MAMDC2: variants seen among roughly 807,000 people sequenced by gnomAD.
The protein encoded by MAMDC2 is MAM domain-containing protein 2.
MAMDC2 carries 57 observed loss-of-function variants against 89.8 expected under a neutral mutation model. That is an observed-to-expected ratio of 0.63 (90% CI 0.51 to 0.79). The LOEUF is 0.79. Among genes scored for constraint, MAMDC2 ranks in the 30% least tolerant of loss-of-function variants. MAMDC2 has a pLI of 0.00. For missense variants in MAMDC2, 800 were observed against 820.6 expected (o/e 0.97, Z 0.31); for synonymous variants, 313 against 293.4 (o/e 1.07, Z -0.68).
rs368218721 is a variant in MAMDC2 at position 70,096,286 on chromosome 9, G to A, written c.149-11925G>A. Among the ~76,000 whole-genome samples the A allele has an allele frequency of 4.3e-4, 65 of 152,180 alleles. No individual in the cohort carries two copies. In the South Asian group the frequency reaches 9.4e-3, roughly 22 times the overall value. ...TCCCACCTCAGCCTCCCAAAGTGCT[G>A]GGATTACAGCTGTGAGCCACTGCAC... On this transcript the variant is annotated intron_variant, in intron 2 of 13. Coordinates refer to ENST00000377182, the MANE Select transcript of MAMDC2 (RefSeq NM_153267.5).
intron 9 of MAMDC2, among the ~76,000 whole-genome samples, chr9:70,150,052 G>A (rs2031535320): frequency 6.6e-6 from 1 of 152,120 alleles, no homozygotes; most frequent in Non-Finnish European, 1.5e-5. Flanking sequence ...TTTTCATTGT[G>A]AGTGACTCAG....
At chr9:70,168,672 A>C in intron 9 of MAMDC2, 30 bp from the exon 10 acceptor site, 1 of 1,585,254 alleles carries the variant, frequency 6.3e-7, no homozygotes, top group African/African-American at 1.3e-5. Context: ...CAGTTAACAG[A>C]ATTCATAGCT....
At position 70,103,365 on chromosome 9, in the gene MAMDC2, C is replaced by G. The variant is rs528803071; in HGVS notation, c.149-4846C>G. 2.6e-5 allele frequency among the ~76,000 whole-genome samples: 4 copies of G among 151,588 alleles called. No individual in the cohort carries two copies. The South Asian group carries it at 8.3e-4, about 32-fold the overall frequency. On this transcript the variant is annotated intron_variant, in intron 2 of 13. Transcript: ENST00000377182. ...TACTACACAGCTACAGTAAGGAGGA[C>G]TCTGTGGTACTGGCATAAGAATAAA...
At chr9:70,105,914 A>G (rs2975880) in intron 2 of MAMDC2, 27,643 of 152,062 alleles carry the variant, frequency 0.18, 3,492 homozygotes, top group African/African-American at 0.36. Flanking sequence ...ACCGTTGCCT[A>G]CCTCCTTTAC....
intron 5 of MAMDC2, chr9:70,113,935 CATAG>C (rs1563960392): frequency 6.6e-6 from 1 of 152,156 alleles, no homozygotes; most frequent in Non-Finnish European, 1.5e-5. Context: ...ATCCTTTACG[CATAG>C]ATATTGAGGT....
intron 2 of MAMDC2, among the ~76,000 whole-genome samples, chr9:70,052,419 G>C (rs1423836956): frequency 6.6e-6 from 1 of 152,110 alleles, no homozygotes; most frequent in Non-Finnish European, 1.5e-5. Context: ...GTATAATGCT[G>C]CTTTTCTATT....
chr9:70,184,003 T>A (rs2118583243), intron 11 of MAMDC2, among the ~76,000 whole-genome samples: 1 of 152,330 alleles, frequency 6.6e-6, no homozygotes, highest in African/African-American at 2.4e-5. Context: ...TGGTACGTAT[T>A]TGCAGTAGCT....
rs566595092 is a variant in MAMDC2 at position 70,070,170 on chromosome 9, A to C, written c.148+25473A>C. On this transcript the variant is annotated intron_variant, in intron 2 of 13. Coordinates refer to ENST00000377182, the MANE Select transcript of MAMDC2 (RefSeq NM_153267.5). ...CTTCCTAAGAAATATCCAGGCACAAAATGGGCATGGGCCTGACTGCTCCTT... is the reference window on the plus strand; with the variant it reads ...CTTCCTAAGAAATATCCAGGCACAACATGGGCATGGGCCTGACTGCTCCTT... Among the ~76,000 whole-genome samples, 185 of 152,320 alleles carry C rather than the reference A, an allele frequency of 1.2e-3. 1 individual carries two copies. The highest frequency in any genetic ancestry group is 4.3e-3 in the African/African-American group (177 of 41,576).
chr9:70,101,504 C>T (rs1045188421), intron 2 of MAMDC2, among the ~76,000 whole-genome samples: 1 of 152,160 alleles, frequency 6.6e-6, no homozygotes, highest in Non-Finnish European at 1.5e-5. Flanking sequence ...GTGCCCTATA[C>T]AGATGTACTA....
chr9:70,162,127 A>C (rs2031994675), intron 9 of MAMDC2, among the ~76,000 whole-genome samples: 1 of 152,190 alleles, frequency 6.6e-6, no homozygotes, highest in Non-Finnish European at 1.5e-5. Context: ...TCAATTGGTA[A>C]AGTAGATGGT....
chr9:70,053,292 A>G (rs1404677152), intron 2 of MAMDC2, among the ~76,000 whole-genome samples: 1 of 152,242 alleles, frequency 6.6e-6, no homozygotes, highest in Non-Finnish European at 1.5e-5. Context: ...TGAGGCTAAG[A>G]ATAAGATAAT....
At chr9:70,221,702 G>GT (rs1438197943) in intron 12 of MAMDC2, among the ~76,000 whole-genome samples, 4 of 151,848 alleles carry the variant, frequency 2.6e-5, no homozygotes, top group African/African-American at 9.7e-5. Context: ...ATTAGCTTGA[G>GT]TTAATCATCC....
At chr9:70,127,496 A>G (rs4495496) in intron 6 of MAMDC2, among the ~76,000 whole-genome samples, 10,284 of 151,892 alleles carry the variant, frequency 0.068, 540 homozygotes, top group East Asian at 0.21. Flanking sequence ...TTTTTGCAAT[A>G]TCTTCTCCAG....
Position 70,184,801 on chromosome 9 carries a change from C to T in MAMDC2, c.1651+14170C>T, listed in dbSNP as rs1360656312. 2.6e-5 allele frequency among the ~76,000 whole-genome samples: 4 copies of T among 152,052 alleles called. No individual in the cohort carries two copies. In the East Asian group the frequency reaches 7.7e-4, roughly 29 times the overall value. On this transcript the variant is annotated intron_variant, in intron 11 of 13. Coordinates refer to ENST00000377182, the MANE Select transcript of MAMDC2 (RefSeq NM_153267.5). ...TCCTGTAACCTTTTATCAAGGTTCTCGGCTTCCTTGCATTGGGTTAGAACA... is the reference window on the plus strand; with the variant it reads ...TCCTGTAACCTTTTATCAAGGTTCTTGGCTTCCTTGCATTGGGTTAGAACA...
intron 11 of MAMDC2, among the ~76,000 whole-genome samples, chr9:70,180,978 G>A (rs577759739): frequency 4.6e-5 from 7 of 152,192 alleles, no homozygotes; most frequent in Middle Eastern, 6.8e-3. Context: ...TGGTTTTTAT[G>A]GTTTTAGGTT....
intron 11 of MAMDC2, among the ~76,000 whole-genome samples, chr9:70,183,479 A>G (rs889102067): frequency 6.6e-6 from 1 of 152,168 alleles, no homozygotes; most frequent in Middle Eastern, 3.2e-3. Flanking sequence ...GTGTGAGTCT[A>G]AGTCTCTTTG....
chr9:70,207,947 T>G (rs6560059), intron 11 of MAMDC2, among the ~76,000 whole-genome samples: 119,010 of 151,880 alleles, frequency 0.78, 46,764 homozygotes, highest in Admixed American at 0.83. Flanking sequence ...GTTGTAGATG[T>G]GTGGTATTAT....
At chr9:70,217,457 C>CTGAT in intron 11 of MAMDC2, 1 of 1,401,238 alleles carries the variant, frequency 7.1e-7, no homozygotes. Context: ...GCATCTCTTG[C>CTGAT]TGATATAATG....
intron 2 of MAMDC2, among the ~76,000 whole-genome samples, chr9:70,084,514 C>T (rs1441238046): frequency 6.6e-6 from 1 of 152,032 alleles, no homozygotes; most frequent in Non-Finnish European, 1.5e-5. Flanking sequence ...AGATAGGTAT[C>T]CCCAGTGGTT....
Sources: allele counts gnomAD v4.1 joint callset (sites outside exome capture counted in the v4.1 genomes callset), GRCh38; gene constraint gnomAD v4.1.1; transcripts MANE v1.5; gene names NCBI Gene and HGNC (gene_info 2026-07-23, HGNC 2026-07-21).